Variants in ULK3 observed in about 807,000 individuals in gnomAD.
ULK3 encodes the protein unc-51 like kinase 3.
ULK3 carries 54 observed loss-of-function variants against 69.4 expected under a neutral mutation model. The ratio of observed to expected loss-of-function variants is 0.78; its 90% CI spans 0.63 to 0.98. ULK3 has a LOEUF of 0.98. Ranked by LOEUF, ULK3 falls within the 50% of genes least tolerant of loss-of-function variation. The pLI is 0.00. For synonymous variants in ULK3, 240 were observed against 254.5 expected, an observed-to-expected ratio of 0.94 and a Z score of 0.54; for missense variants, 558 against 627.7, an observed-to-expected ratio of 0.89 and a Z score of 1.19.
chr15:74,840,106 C>T, intron 6 of ULK3, 128 bp downstream of exon 6: 2 of 1,188,366 alleles, frequency 1.7e-6, no homozygotes, highest in Non-Finnish European at 2.4e-6. Flanking sequence ...AGCCTAGAAC[C>T]TGCCCCTCCA....
At position 74,842,174 on chromosome 15, in the gene ULK3, G is replaced by A. The variant is rs374832625; in HGVS notation, c.265C>T (p.Leu89Phe). 1.2e-6 allele frequency: 2 copies of A among 1,613,890 alleles called. No individual in the cohort carries two copies. Among genetic ancestry groups the A allele is most frequent in the Non-Finnish European group, 1.7e-6 (2 of 1,179,904 alleles). ...CCCCCTGCGCAAAACTCCATGATGA[G>A]GTAGATATTGTCACTGTCCCACTGT... ...DFQWDSDNIY[L>F]IMEFCAGGDL... The change falls in exon 3 of 16, where the codon CTC becomes TTC. Residue 89 changes from leucine to phenylalanine, a missense_variant. By Grantham distance (22) the Leu-to-Phe change is conservative. Transcript: ENST00000440863. The surrounding 1 kb of genome is among the most constrained non-coding windows in gnomAD (Gnocchi z 4.9).
In ULK3 at chr15:74,836,877, C is replaced by T. The variant is rs72730514; in HGVS notation, c.*351G>A. 688 of 221,376 alleles carry T rather than the reference C, an allele frequency of 3.1e-3. No individual in the cohort carries two copies. Among genetic ancestry groups the T allele is most frequent in the Non-Finnish European group, 5.1e-3 (566 of 110,692 alleles). The allele number at this position is 221,376 out of a possible 1,614,324, so 13.7% of individuals were successfully genotyped here. A position where few individuals can be genotyped will look rare whatever the true frequency, so the allele number is the denominator to read the frequency against. ...CGAGGGCAAGCACAGAAGTACCCTGCGGGGGCCCCTTGCCCTCTTCTCGGA... is the reference window on the plus strand; with the variant it reads ...CGAGGGCAAGCACAGAAGTACCCTGTGGGGGCCCCTTGCCCTCTTCTCGGA... On this transcript the variant is annotated 3_prime_UTR_variant, in exon 16 of 16. Transcript: ENST00000440863. The surrounding 1 kb of genome is among the most constrained non-coding windows in gnomAD (Gnocchi z 4.0).
chr15:74,841,282 C>A (rs142020546), intron 4 of ULK3, 123 bp downstream of exon 4: 7 of 734,198 alleles, frequency 9.5e-6, no homozygotes, highest in Non-Finnish European at 1.5e-5. Flanking sequence ...CCAGACTTCA[C>A]GGCCTGTCAC....
Position 74,843,095 on chromosome 15 carries a change from G to T in ULK3, c.11C>A (p.Pro4His). 7.4e-7 allele frequency: 1 copy of T among 1,345,332 alleles called. No individual in the cohort carries two copies. The highest frequency in any genetic ancestry group is 9.6e-7 in the Non-Finnish European group (1 of 1,043,516). The allele number at this position is 1,345,332 out of a possible 1,614,324, so 83.3% of individuals were successfully genotyped here. MAG[P>H]GWGPPRLDGF... ...GTCCAGGCGCGGGGGACCCCAGCCGGGCCCCGCCATTCCGGCCGCCTGCGC... is the reference window on the plus strand; with the variant it reads ...GTCCAGGCGCGGGGGACCCCAGCCGTGCCCCGCCATTCCGGCCGCCTGCGC... The change falls in exon 1 of 16, where the codon CCC (proline) becomes CAC (histidine). Residue 4 changes from proline (P) to histidine (H), a missense_variant. Coordinates refer to ENST00000440863, the MANE Select transcript of ULK3 (RefSeq NM_001099436.4).
At chr15:74,837,906 CA>C (rs1458562497) in intron 13 of ULK3, 108 bp from the exon 14 acceptor site, 1 of 1,282,062 alleles carries the variant, frequency 7.8e-7, no homozygotes, top group Non-Finnish European at 1.1e-6. Context: ...TCTGCCCCAT[CA>C]GAACAACTTG....
intron 6 of ULK3, 134 bp from the exon 7 acceptor site, chr15:74,839,847 G>A (rs1391645289): frequency 1.6e-6 from 2 of 1,272,884 alleles, no homozygotes; most frequent in African/African-American, 1.5e-5. Flanking sequence ...GGAACAGGAT[G>A]GGTCAGGATG....
At position 74,842,426 on chromosome 15, in the gene ULK3, AGACAGGAGATTTGGGGACTCTGCCTT is replaced by A. The variant is rs1177863169; in HGVS notation, c.103-32_103-7del. ...ACCACTTCACGAGTGTCCTTCTGCG[AGACAGGAGATTTGGGGACTCTGCCTT>A]GAGGGGGCCAGGACCCTTGTCTGAC... On this transcript the variant is annotated splice_region_variant and splice_polypyrimidine_tract_variant and intron_variant, in intron 1 of 15. Coordinates refer to ENST00000440863, the MANE Select transcript of ULK3 (RefSeq NM_001099436.4). The surrounding 1 kb of genome is among the most constrained non-coding windows in gnomAD (Gnocchi z 4.9). 1.9e-6 allele frequency: 3 copies of A among 1,613,888 alleles called. No individual in the cohort carries two copies. The highest frequency in any genetic ancestry group is 2.5e-6 in the Non-Finnish European group (3 of 1,179,888).
rs1280077294 is a variant in ULK3 at position 74,840,402 on chromosome 15, T to C, written c.614-86A>G. The stretch of plus-strand genomic sequence containing the variant: ...CTCAGCAGGGGCCCTGGGCCAGCAG[T>C]CAGTTTTCATCAGAACCCTTCAGAA... On this transcript the variant is annotated intron_variant, in intron 5 of 15. Coordinates refer to ENST00000440863, the MANE Select transcript of ULK3 (RefSeq NM_001099436.4). 3 of 1,566,180 alleles carry C rather than the reference T, an allele frequency of 1.9e-6. No individual in the cohort carries two copies. The African/African-American group carries it at 4.1e-5, about 21-fold the overall frequency.
At chr15:74,839,989 G>A (rs537616341) in intron 6 of ULK3, among the ~76,000 whole-genome samples, 2 of 152,254 alleles carry the variant, frequency 1.3e-5, no homozygotes, top group South Asian at 4.1e-4. Context: ...GGAAGGCTGG[G>A]CCTGGCTCTG....
chr15:74,841,602 A>G, intron 3 of ULK3, 93 bp from the exon 4 acceptor site: 1 of 1,016,216 alleles, frequency 9.8e-7, no homozygotes, highest in Non-Finnish European at 1.5e-6. Flanking sequence ...TCAAGCCTGC[A>G]CAACCCCAGT....
rs2141137614 is a variant in ULK3 at position 74,838,691 on chromosome 15, T to G, written c.1054A>C (p.Asn352His). 1 of 1,612,776 alleles carries G rather than the reference T, an allele frequency of 6.2e-7. No homozygotes were observed. Among genetic ancestry groups the G allele is most frequent in the Non-Finnish European group, 8.5e-7 (1 of 1,179,394 alleles). The change falls in exon 10 of 16, where the codon AAT becomes CAT. Residue 352 changes from asparagine (N) to histidine (H), a missense_variant. Coordinates refer to ENST00000440863, the MANE Select transcript of ULK3 (RefSeq NM_001099436.4). ...GTCCCCTGCCTCAGCAGGGCCTGAT[T>G]GGAAGAGGAGACGATGGCCTTGAGC... ...EELKAIVSSS[N>H]QALLRQGTSA...
chr15:74,837,134 A>C lies in ULK3; in HGVS notation c.*94T>G. The C allele has an allele frequency of 6.8e-7, 1 of 1,474,366 alleles. No homozygotes were observed. Among genetic ancestry groups the C allele is most frequent in the Non-Finnish European group, 9.0e-7 (1 of 1,108,038 alleles). The allele number at this position is 1,474,366 out of a possible 1,614,324, so 91.3% of individuals were successfully genotyped here. A position where few individuals can be genotyped will look rare whatever the true frequency, so the allele number is the denominator to read the frequency against. ...TGTCCATCCAAGAAGCCTGCTCGCCAGGGCTGCAGTGGGCCACTTCATTCT... is the reference window on the plus strand; with the variant it reads ...TGTCCATCCAAGAAGCCTGCTCGCCCGGGCTGCAGTGGGCCACTTCATTCT... On this transcript the variant is annotated 3_prime_UTR_variant, in exon 16 of 16. Coordinates refer to ENST00000440863, the MANE Select transcript of ULK3 (RefSeq NM_001099436.4).
At position 74,838,148 on chromosome 15, in the gene ULK3, G is replaced by C; in HGVS notation, c.1287+4C>G. 1 of 1,555,180 alleles carries C rather than the reference G, an allele frequency of 6.4e-7. No individual in the cohort carries two copies. Among genetic ancestry groups the C allele is most frequent in the South Asian group, 1.2e-5 (1 of 84,254 alleles). The stretch of plus-strand genomic sequence containing the variant: ...CCCCCAACCCTCTCAAGCTCAGTGG[G>C]CACCTCAGTGTGAAGCAGCTCCCGC... On this transcript the variant is annotated splice_donor_region_variant and intron_variant, in intron 13 of 15. Coordinates refer to ENST00000440863, the MANE Select transcript of ULK3 (RefSeq NM_001099436.4).
chr15:74,837,844 G>A (rs1267563584), intron 13 of ULK3, 46 bp from the exon 14 acceptor site: 18 of 1,545,702 alleles, frequency 1.2e-5, no homozygotes, highest in African/African-American at 2.7e-5. Flanking sequence ...GAGTGGCGGG[G>A]GGTGGGGTTT....
At chr15:74,838,094 G>C in intron 13 of ULK3, 58 bp downstream of exon 13, 1 of 1,546,500 alleles carries the variant, frequency 6.5e-7, no homozygotes, top group Middle Eastern at 2.3e-4. Context: ...GTCCCCACAG[G>C]TAAGAGCAGA....
chr15:74,841,924 TGA>T, intron 3 of ULK3, 149 bp downstream of exon 3: 1 of 1,321,660 alleles, frequency 7.6e-7, no homozygotes, highest in South Asian at 1.4e-5. Flanking sequence ...GAGCAAGGGT[TGA>T]GTGTATGAGA....
At position 74,842,995 on chromosome 15, in the gene ULK3, G is replaced by A. The variant is rs1439065171; in HGVS notation, c.102+9C>T. 1.3e-6 allele frequency: 2 copies of A among 1,546,516 alleles called. No individual in the cohort carries two copies. Among genetic ancestry groups the A allele is most frequent in the Non-Finnish European group, 1.7e-6 (2 of 1,145,432 alleles). ...TCGGGCGGGCACGGGGCCATCGGCC[G>A]GCACCCACCTTGGCGTAGGCCTTGT... On this transcript the variant is annotated intron_variant, in intron 1 of 15. Transcript: ENST00000440863. The surrounding 1 kb of genome is among the most constrained non-coding windows in gnomAD (Gnocchi z 4.9).
rs1692185187 is a variant in ULK3, at chr15:74,842,947, C to T, written c.102+57G>A. Reference sequence around the variant, plus strand: ...TGTCGCTAACCTCTCAGAGTCTCCCCGGCCGGCACCAGCCGAGCTAGCTCG... The same window carrying T: ...TGTCGCTAACCTCTCAGAGTCTCCCTGGCCGGCACCAGCCGAGCTAGCTCG... On this transcript the variant is annotated intron_variant, in intron 1 of 15. Transcript: ENST00000440863. The surrounding 1 kb of genome is among the most constrained non-coding windows in gnomAD (Gnocchi z 4.9). 6.6e-7 allele frequency: 1 copy of T among 1,514,886 alleles called. No homozygotes were observed. Among genetic ancestry groups the T allele is most frequent in the African/African-American group, 1.4e-5 (1 of 71,986 alleles). The allele number at this position is 1,514,886 out of a possible 1,614,324, so 93.8% of individuals were successfully genotyped here. A position where few individuals can be genotyped will look rare whatever the true frequency, so the allele number is the denominator to read the frequency against.
intron 14 of ULK3, 143 bp downstream of exon 14, chr15:74,837,608 G>A (rs1436041400): frequency 7.4e-7 from 1 of 1,355,616 alleles, no homozygotes; most frequent in Non-Finnish European, 1.0e-6. Context: ...GCAAGAGAGA[G>A]AGTGAAGGGC....
Sources: allele counts gnomAD v4.1 joint callset (sites outside exome capture counted in the v4.1 genomes callset), GRCh38; gene constraint gnomAD v4.1.1; non-coding constraint Gnocchi (gnomAD v3.1); transcripts MANE v1.5; gene names NCBI Gene and HGNC (gene_info 2026-07-23, HGNC 2026-07-21).